The following RAPH1 variants were observed in gnomAD, a reference collection of about 807,000 sequenced individuals.
The protein encoded by RAPH1 is Ras association (RalGDS/AF-6) and pleckstrin homology domains 1, also known as ras-associated and pleckstrin homology domains-containing protein 1.
In RAPH1, 18 loss-of-function variants were observed where a neutral mutation model predicts 88.1. The ratio of observed to expected loss-of-function variants is 0.20; its 90% CI spans 0.14 to 0.30. The LOEUF is 0.30. Among genes scored for constraint, RAPH1 ranks in the 10% least tolerant of loss-of-function variants. RAPH1 has a pLI of 1.00. For synonymous variants in RAPH1, 587 were observed against 559.0 expected (o/e 1.05, Z -0.71); for missense variants, 1,448 against 1,543.2 (o/e 0.94, Z 1.03).
chr2:203,467,168 C>A (rs2098529165), intron 4 of RAPH1, among the ~76,000 whole-genome samples: 2 of 152,170 alleles, frequency 1.3e-5, no homozygotes, highest in Non-Finnish European at 2.9e-5. Context: ...GATCCTTGAA[C>A]CTGAGTCTGA....
chr2:203,504,603 G>A (rs1055255321), intron 1 of RAPH1, among the ~76,000 whole-genome samples: 1 of 151,844 alleles, frequency 6.6e-6, no homozygotes, highest in African/African-American at 2.4e-5. Context: ...ATTTTCCCTG[G>A]TCTTGGGGAT....
At chr2:203,493,840 G>A (rs548703544) in intron 2 of RAPH1, among the ~76,000 whole-genome samples, 8 of 151,626 alleles carry the variant, frequency 5.3e-5, no homozygotes, top group East Asian at 3.9e-4. Flanking sequence ...GCATGGTGGC[G>A]CATGCCTGTA....
intron 13 of RAPH1, chr2:203,442,153 C>T (rs1009950047): frequency 2.8e-6 from 4 of 1,445,686 alleles, no homozygotes; most frequent in Non-Finnish European, 9.3e-7. Flanking sequence ...CAGAAAAAGC[C>T]AGAAGAAATT....
rs748070862 is a variant in RAPH1 at position 203,440,014 on chromosome 2, T to G, written c.3176A>C (p.Asp1059Ala). Residue 1059 changes from aspartate to alanine, a missense_variant, in exon 14 of 14, where the codon GAC becomes GCC. By Grantham distance (126) the Asp-to-Ala change is moderately radical. Around this residue, in one of 2 missense-constraint regions of RAPH1, gnomAD observed 935 missense variants for 890.1 expected, o/e 1.05. Coordinates refer to ENST00000319170, the MANE Select transcript of RAPH1 (RefSeq NM_213589.3). ...KAPVLSGRGKDSVVEFPSPPS... is the reference protein window; with the variant it reads ...KAPVLSGRGKASVVEFPSPPS... The stretch of plus-strand genomic sequence containing the variant: ...AGGAGAAGGAAATTCCACCACGGAG[T>G]CCTTTCCACGCCCACTCAGAACAGG... The G allele has an allele frequency of 6.2e-6, 10 of 1,612,776 alleles. No homozygotes were observed. Among genetic ancestry groups the G allele is most frequent in the Non-Finnish European group, 7.6e-6 (9 of 1,179,818 alleles).
At position 203,434,060 on chromosome 2, in the gene RAPH1, A is replaced by ATCTATCTATCTATCTATCTATCTATC. The variant is rs1241030170; in HGVS notation, c.*5376_*5377insGATAGATAGATAGATAGATAGATAGA. The ATCTATCTATCTATCTATCTATCTATC allele has an allele frequency of 8.4e-6, 1 of 119,410 alleles. No individual in the cohort carries two copies. The highest frequency in any genetic ancestry group is 3.8e-5 in the African/African-American group (1 of 26,432). 7.4% of individuals were successfully genotyped at this position (119,410 alleles called of 1,614,324 possible). A position where few individuals can be genotyped will look rare whatever the true frequency, so the allele number is the denominator to read the frequency against. On this transcript the variant is annotated 3_prime_UTR_variant, in exon 14 of 14. Coordinates refer to ENST00000319170, the MANE Select transcript of RAPH1 (RefSeq NM_213589.3). ...CTCATATATCTATCTATCTATCTATATATATATATATATATATATAGCTTT... is the reference window on the plus strand; with the variant it reads ...CTCATATATCTATCTATCTATCTATATCTATCTATCTATCTATCTATCTATCTATATATATATATATATATAGCTTT...
chr2:203,523,792 G>A (rs2105977880), intron 1 of RAPH1, among the ~76,000 whole-genome samples: 1 of 152,296 alleles, frequency 6.6e-6, no homozygotes, highest in East Asian at 1.9e-4. Context: ...GGATCACCAG[G>A]TCAGGAGACC....
chr2:203,464,422 C>A (rs2245883), intron 4 of RAPH1, among the ~76,000 whole-genome samples: 11,151 of 152,210 alleles, frequency 0.073, 668 homozygotes, highest in African/African-American at 0.16. Context: ...CAGATGCCCG[C>A]CACCATGCCC....
chr2:203,454,568 AT>A (rs1156578837), intron 9 of RAPH1, 28 bp from the exon 10 acceptor site: 13 of 1,506,034 alleles, frequency 8.6e-6, no homozygotes, highest in Non-Finnish European at 1.1e-5. Context: ...AAAAGATAAA[AT>A]TAATAATAAT....
intron 1 of RAPH1, among the ~76,000 whole-genome samples, chr2:203,516,759 C>T (rs557909621): frequency 3.3e-5 from 5 of 151,400 alleles, no homozygotes; most frequent in South Asian, 4.2e-4. Context: ...AAAGGCCAGG[C>T]GCAGTGACTC....
At chr2:203,460,717 C>G (rs1332821859) in intron 6 of RAPH1, among the ~76,000 whole-genome samples, 1 of 151,564 alleles carries the variant, frequency 6.6e-6, no homozygotes, top group Non-Finnish European at 1.5e-5. Context: ...ATTATAAAAT[C>G]TGAAGTGAAT....
At chr2:203,479,746 A>G (rs1052816333) in intron 4 of RAPH1, among the ~76,000 whole-genome samples, 2 of 152,226 alleles carry the variant, frequency 1.3e-5, no homozygotes, top group East Asian at 1.9e-4. Context: ...AGTGACAAAA[A>G]CAATACAAAA....
At position 203,461,392 on chromosome 2, in the gene RAPH1, T is replaced by C. The variant is rs1416493427; in HGVS notation, c.827A>G (p.His276Arg). 2 of 1,601,964 alleles carry C rather than the reference T, an allele frequency of 1.2e-6. No homozygotes were observed. The highest frequency in any genetic ancestry group is 1.7e-6 in the Non-Finnish European group (2 of 1,174,356). The change falls in exon 6 of 14, where the codon CAC becomes CGC. Residue 276 changes from histidine (H) to arginine (R), a missense_variant. Around this residue, in one of 2 missense-constraint regions of RAPH1, gnomAD observed 513 missense variants for 653.1 expected, o/e 0.79. Coordinates refer to ENST00000319170, the MANE Select transcript of RAPH1 (RefSeq NM_213589.3). ...AQVKKLVIRV[H>R]MSDDSSKTMM... is the part of the protein sequence containing the mutation. ...TGTTTTAGAACTGTCATCAGACATGTGGACTCTGATCACCAGCTATAACAG... is the reference window on the plus strand; with the variant it reads ...TGTTTTAGAACTGTCATCAGACATGCGGACTCTGATCACCAGCTATAACAG...
Position 203,440,430 on chromosome 2 carries a change from A to G in RAPH1, c.2760T>C (p.Pro920=). The change falls in exon 14 of 14, where the codon CCT becomes CCC. Residue 920 remains proline (P), a synonymous_variant. Transcript: ENST00000319170. ...PVPSPDFPPP[P]PESSLVFPPP... ...GAGGAAACACCAGGCTGCTTTCAGG[A>G]GGGGGAGGAGGGAAGTCCGGAGAAG... 6.5e-7 allele frequency: 1 copy of G among 1,544,720 alleles called. No individual in the cohort carries two copies. Among genetic ancestry groups the G allele is most frequent in the Non-Finnish European group, 8.7e-7 (1 of 1,147,144 alleles).
At chr2:203,458,637 C>T (rs770669135) in intron 7 of RAPH1, among the ~76,000 whole-genome samples, 3 of 152,126 alleles carry the variant, frequency 2.0e-5, no homozygotes, top group African/African-American at 4.8e-5. Context: ...AGTACTCAAG[C>T]GTGGCATATT....
chr2:203,518,158 C>CA (rs1689700908), intron 1 of RAPH1, among the ~76,000 whole-genome samples: 1 of 152,022 alleles, frequency 6.6e-6, no homozygotes. Flanking sequence ...ACACAAATTA[C>CA]CAATATCAGA....
chr2:203,459,778 C>T, intron 7 of RAPH1, 129 bp downstream of exon 7: 1 of 920,876 alleles, frequency 1.1e-6, no homozygotes, highest in Non-Finnish European at 1.7e-6. Flanking sequence ...GATGATGCTC[C>T]TATAGGATTT....
In RAPH1 at chr2:203,489,892, T is replaced by C; in HGVS notation, c.424A>G (p.Arg142Gly). 6.2e-7 allele frequency: 1 copy of C among 1,614,260 alleles called. No individual in the cohort carries two copies. Among genetic ancestry groups the C allele is most frequent in the Non-Finnish European group, 8.5e-7 (1 of 1,180,048 alleles). Reference sequence around the variant, plus strand: ...CTGGCATGGGAAGGTTTAGCTATCCTATTAGATGAAGAAGATAATCCTTTC... The same window carrying C: ...CTGGCATGGGAAGGTTTAGCTATCCCATTAGATGAAGAAGATAATCCTTTC... ...TLKGLSSSSNRIAKPSHASYS... is the reference protein window; with the variant it reads ...TLKGLSSSSNGIAKPSHASYS... Residue 142 changes from arginine to glycine, a missense_variant, in exon 4 of 14, where the codon AGG (arginine) becomes GGG (glycine). Around this residue, in one of 2 missense-constraint regions of RAPH1, gnomAD observed 513 missense variants for 653.1 expected, o/e 0.79. Coordinates refer to ENST00000319170, the MANE Select transcript of RAPH1 (RefSeq NM_213589.3).
intron 1 of RAPH1, among the ~76,000 whole-genome samples, chr2:203,496,358 C>A (rs1256219914): frequency 8.7e-6 from 1 of 114,498 alleles, no homozygotes; most frequent in Admixed American, 8.9e-5. Flanking sequence ...AACTCCGTCT[C>A]AAAAAATAAA....
chr2:203,524,459 A>C (rs900443774), intron 1 of RAPH1, among the ~76,000 whole-genome samples: 1 of 152,218 alleles, frequency 6.6e-6, no homozygotes, highest in East Asian at 1.9e-4. Flanking sequence ...CCACAATTGG[A>C]AACAGCCTAA....
Sources: gnomAD v4.1 joint callset for allele counts (sites outside exome capture counted in the v4.1 genomes callset) on GRCh38, gnomAD v4.1.1 for gene constraint, gnomAD v4.1.1 regional missense constraint, MANE v1.5 for transcripts, NCBI Gene and HGNC (gene_info 2026-07-23, HGNC 2026-07-21) for gene names.